Variants in KLHL1 observed in about 807,000 individuals in gnomAD.
KLHL1 encodes the protein kelch-like protein 1.
KLHL1 carries 47 observed loss-of-function variants against 77.7 expected under a neutral mutation model. That is an observed-to-expected ratio of 0.60 (90% CI 0.48 to 0.77). The LOEUF is 0.77. Among genes scored for constraint, KLHL1 ranks in the 30% least tolerant of loss-of-function variants. KLHL1 has a pLI of 0.00. For synonymous variants in KLHL1, 360 were observed against 325.2 expected (o/e 1.11, Z -1.15); for missense variants, 925 against 910.8 (o/e 1.02, Z -0.20).
At chr13:69,790,874 A>T (rs1406005730) in intron 7 of KLHL1, among the ~76,000 whole-genome samples, 2 of 152,136 alleles carry the variant, frequency 1.3e-5, no homozygotes, top group African/African-American at 4.8e-5. Flanking sequence ...ACATGGGGAA[A>T]TCCCATTTCT....
chr13:69,966,179 T>G (rs924818497), intron 2 of KLHL1, among the ~76,000 whole-genome samples: 1 of 152,168 alleles, frequency 6.6e-6, no homozygotes, highest in Admixed American at 6.5e-5. Flanking sequence ...GAAGATGTCA[T>G]CTAGGATTTT....
intron 5 of KLHL1, among the ~76,000 whole-genome samples, chr13:69,841,972 A>G (rs1337523193): frequency 6.6e-6 from 1 of 151,926 alleles, no homozygotes; most frequent in Non-Finnish European, 1.5e-5. Flanking sequence ...GTGCTGGGAA[A>G]ATTGGATAGC....
chr13:70,001,592 T>TATCTATCTATCC lies in KLHL1; in HGVS notation c.498-25791_498-25790insGGATAGATAGAT, dbSNP rs1242107415. ...TCTATGATCTATGTGTCTATCTATC[T>TATCTATCTATCC]ATCTATCTATCTATCTATCTATCTA... On this transcript the variant is annotated intron_variant, in intron 1 of 10. Coordinates refer to ENST00000377844, the MANE Select transcript of KLHL1 (RefSeq NM_020866.3). Among the ~76,000 whole-genome samples the TATCTATCTATCC allele has an allele frequency of 1.9e-3, 294 of 151,074 alleles. 3 individuals are homozygous for TATCTATCTATCC. Among genetic ancestry groups the TATCTATCTATCC allele is most frequent in the Non-Finnish European group, 9.8e-4 (66 of 67,482 alleles).
intron 7 of KLHL1, among the ~76,000 whole-genome samples, chr13:69,771,608 A>G (rs1255437234): frequency 1.3e-5 from 2 of 152,178 alleles, no homozygotes; most frequent in Non-Finnish European, 2.9e-5. Context: ...GCTTCTAGTA[A>G]GAAGTAGTTA....
Position 69,903,338 on chromosome 13 carries a change from C to A in KLHL1, c.1015-20843G>T, listed in dbSNP as rs76784749. ...TCTGGTTCGAGGCTTGGAAACCAAC[C>A]AATTCCAGCTCATTTAAACAAACCC... On this transcript the variant is annotated intron_variant, in intron 4 of 10. Transcript: ENST00000377844. Among the ~76,000 whole-genome samples the A allele has an allele frequency of 1.2e-3, 177 of 152,216 alleles. 1 individual carries two copies. The highest frequency in any genetic ancestry group is 3.9e-3 in the African/African-American group (164 of 41,540).
chr13:69,920,037 A>G (rs1882582019), intron 4 of KLHL1, among the ~76,000 whole-genome samples: 1 of 152,126 alleles, frequency 6.6e-6, no homozygotes, highest in South Asian at 2.1e-4. Flanking sequence ...GGTCTTTTTC[A>G]TTTGGCCTAA....
At chr13:70,038,350 G>A (rs1331525016) in intron 1 of KLHL1, among the ~76,000 whole-genome samples, 1 of 152,108 alleles carries the variant, frequency 6.6e-6, no homozygotes, top group African/African-American at 2.4e-5. Flanking sequence ...TACAAATAAT[G>A]CTGTTATGAA....
chr13:69,746,797 CT>C (rs1260309253), intron 7 of KLHL1, among the ~76,000 whole-genome samples: 1 of 151,898 alleles, frequency 6.6e-6, no homozygotes, highest in East Asian at 1.9e-4. Flanking sequence ...TCAAGATTTA[CT>C]AATAATAGCA....
chr13:70,016,937 C>T (rs1470389056), intron 1 of KLHL1, among the ~76,000 whole-genome samples: 1 of 152,140 alleles, frequency 6.6e-6, no homozygotes, highest in Non-Finnish European at 1.5e-5. Context: ...TCACACAGAC[C>T]TGGGGGCCAC....
At chr13:69,757,553 C>A (rs554321551) in intron 7 of KLHL1, among the ~76,000 whole-genome samples, 1 of 152,150 alleles carries the variant, frequency 6.6e-6, no homozygotes, top group African/African-American at 2.4e-5. Flanking sequence ...TCTGGGGCAA[C>A]CCAAATGAAG....
rs556571988 is a variant in KLHL1, at chr13:70,044,524, T to C, written c.497+62679A>G. Among the ~76,000 whole-genome samples, 4 of 152,302 alleles carry C rather than the reference T, an allele frequency of 2.6e-5. No individual in the cohort carries two copies. In the East Asian group the frequency reaches 7.7e-4, roughly 29 times the overall value. ...ATACATATAACATTTTAATGTTTTTTTTTGTATCAGTTTATGGAAAATTTC... is the reference window on the plus strand; with the variant it reads ...ATACATATAACATTTTAATGTTTTTCTTTGTATCAGTTTATGGAAAATTTC... On this transcript the variant is annotated intron_variant, in intron 1 of 10. Transcript: ENST00000377844.
At chr13:69,787,156 C>G (rs1358024994) in intron 7 of KLHL1, among the ~76,000 whole-genome samples, 1 of 152,166 alleles carries the variant, frequency 6.6e-6, no homozygotes, top group Admixed American at 6.5e-5. Context: ...TTGGAAAAAA[C>G]TACTTTAAAG....
chr13:69,794,820 A>G (rs1161740407), intron 7 of KLHL1, among the ~76,000 whole-genome samples: 1 of 152,186 alleles, frequency 6.6e-6, no homozygotes, highest in Non-Finnish European at 1.5e-5. Flanking sequence ...ACAGATTAAG[A>G]ACAATACAGA....
At chr13:70,075,145 T>C (rs924014285) in intron 1 of KLHL1, among the ~76,000 whole-genome samples, 1 of 151,840 alleles carries the variant, frequency 6.6e-6, no homozygotes, top group Admixed American at 6.6e-5. Context: ...GGCTAGATGA[T>C]TGAGACTTAA....
intron 4 of KLHL1, among the ~76,000 whole-genome samples, chr13:69,912,113 G>A (rs961187503): frequency 6.6e-6 from 1 of 152,134 alleles, no homozygotes; most frequent in Non-Finnish European, 1.5e-5. Flanking sequence ...TCAGAAAAAT[G>A]AGGGGAGAAA....
At chr13:69,961,918 AT>A (rs2137271666) in intron 2 of KLHL1, among the ~76,000 whole-genome samples, 1 of 152,124 alleles carries the variant, frequency 6.6e-6, no homozygotes. Context: ...TTTCTTTAAT[AT>A]TTTAAATTTA....
At chr13:69,998,729 G>C (rs1440975686) in intron 1 of KLHL1, among the ~76,000 whole-genome samples, 1 of 152,014 alleles carries the variant, frequency 6.6e-6, no homozygotes, top group Non-Finnish European at 1.5e-5. Context: ...TCAGAAATCG[G>C]TTCTCTGATG....
chr13:70,055,007 T>G (rs1886710836), intron 1 of KLHL1, among the ~76,000 whole-genome samples: 1 of 39,688 alleles, frequency 2.5e-5, no homozygotes, highest in African/African-American at 9.0e-5. Flanking sequence ...GTTAAAAAGT[T>G]TATTCAAAGA....
At chr13:69,839,280 G>T in intron 5 of KLHL1, 118 bp from the exon 6 acceptor site, 1 of 588,078 alleles carries the variant, frequency 1.7e-6, no homozygotes, top group Non-Finnish European at 2.8e-6. Context: ...CAGGATGCAG[G>T]GTGTAGTAAG....
Sources: gnomAD v4.1 joint callset for allele counts (sites outside exome capture counted in the v4.1 genomes callset) on GRCh38, gnomAD v4.1.1 for gene constraint, MANE v1.5 for transcripts, NCBI Gene and HGNC (gene_info 2026-07-23, HGNC 2026-07-21) for gene names.